The following FNDC3B variants were observed in gnomAD, a reference collection of about 807,000 sequenced individuals.
FNDC3B encodes fibronectin type III domain-containing protein 3B.
A neutral mutation model predicts 151.5 loss-of-function variants in FNDC3B; 12 were observed. The observed-to-expected ratio is 0.08, with a 90% CI of 0.05 to 0.13. FNDC3B has a LOEUF of 0.13. FNDC3B is among the 10% of genes least tolerant of loss of function. FNDC3B has a pLI of 1.00. For missense variants in FNDC3B, 1,214 were observed against 1,505.3 expected (o/e 0.81, Z 3.20); for synonymous variants, 528 against 549.0 (o/e 0.96, Z 0.54).
chr3:172,372,215 G>A (rs781001360), intron 23 of FNDC3B, among the ~76,000 whole-genome samples: 3 of 152,204 alleles, frequency 2.0e-5, no homozygotes, highest in African/African-American at 4.8e-5. Context: ...CCCCACAGGT[G>A]TTACTGTGCT....
chr3:172,044,515 G>A (rs1716266706), intron 1 of FNDC3B, among the ~76,000 whole-genome samples: 1 of 152,010 alleles, frequency 6.6e-6, no homozygotes, highest in Admixed American at 6.6e-5. Flanking sequence ...ATTGTTCTAT[G>A]TTATTTTAGT....
chr3:172,284,823 T>A (rs970353978), intron 6 of FNDC3B, among the ~76,000 whole-genome samples: 15 of 150,994 alleles, frequency 9.9e-5, no homozygotes, highest in Admixed American at 5.3e-4. Flanking sequence ...TCCACTAGAC[T>A]TGAAATATCT....
At chr3:172,382,057 C>T (rs1442337041) in intron 25 of FNDC3B, among the ~76,000 whole-genome samples, 1 of 152,194 alleles carries the variant, frequency 6.6e-6, no homozygotes, top group African/African-American at 2.4e-5. Context: ...CTGTCTTCCA[C>T]AATGGTTGAA....
intron 1 of FNDC3B, among the ~76,000 whole-genome samples, chr3:172,102,522 T>C (rs901431949): frequency 7.2e-5 from 11 of 152,228 alleles, no homozygotes; most frequent in Admixed American, 5.2e-4. Context: ...TTGGATCTTA[T>C]TAAAGGGCTA....
At chr3:172,273,781 G>A (rs1016489894) in intron 6 of FNDC3B, among the ~76,000 whole-genome samples, 10 of 152,200 alleles carry the variant, frequency 6.6e-5, no homozygotes, top group Admixed American at 2.0e-4. Context: ...CTGCTAAGGT[G>A]GAGTTTCTTC....
intron 3 of FNDC3B, among the ~76,000 whole-genome samples, chr3:172,174,138 AC>A (rs776479743): frequency 3.3e-4 from 50 of 152,234 alleles, no homozygotes; most frequent in South Asian, 8.3e-4. Context: ...ATGCAGAATG[AC>A]TCTCATTCTC....
intron 4 of FNDC3B, 107 bp downstream of exon 4, chr3:172,227,054 G>T (rs937425776): frequency 5.3e-6 from 4 of 747,966 alleles, no homozygotes; most frequent in Non-Finnish European, 9.4e-6. Flanking sequence ...TTTGGGTACC[G>T]TAGTGCTAGG....
chr3:172,218,603 G>A (rs1345028931), intron 3 of FNDC3B, among the ~76,000 whole-genome samples: 2 of 152,162 alleles, frequency 1.3e-5, no homozygotes, highest in African/African-American at 4.8e-5. Context: ...ATTCATCGAG[G>A]CACAGTGCTA....
At chr3:172,286,235 C>T (rs536286047) in intron 7 of FNDC3B, among the ~76,000 whole-genome samples, 35 of 151,984 alleles carry the variant, frequency 2.3e-4, no homozygotes, top group African/African-American at 8.5e-4. Flanking sequence ...ATTAGATATT[C>T]TTTCCAAAGA....
At chr3:172,330,445 C>A in intron 12 of FNDC3B, 96 bp from the exon 13 acceptor site, 1 of 1,069,830 alleles carries the variant, frequency 9.3e-7, no homozygotes, top group Non-Finnish European at 1.4e-6. Context: ...ACCTGCTAGG[C>A]TGAGTTGGGT....
intron 6 of FNDC3B, among the ~76,000 whole-genome samples, chr3:172,266,986 C>T (rs1159182549): frequency 6.6e-6 from 1 of 152,208 alleles, no homozygotes; most frequent in Non-Finnish European, 1.5e-5. Flanking sequence ...CCTTCCACAA[C>T]ATCTACTACC....
Position 172,205,652 on chromosome 3 carries a change from T to C in FNDC3B, c.188-21219T>C, listed in dbSNP as rs573361582. 2.3e-3 allele frequency among the ~76,000 whole-genome samples: 352 copies of C among 152,344 alleles called. 1 individual carries two copies. Among genetic ancestry groups the C allele is most frequent in the African/African-American group, 7.9e-3 (329 of 41,586 alleles). On this transcript the variant is annotated intron_variant, in intron 3 of 25. Coordinates refer to ENST00000415807, the MANE Select transcript of FNDC3B (RefSeq NM_022763.4). ...TCTGCATTCTCCTTGTAGAGTTTTC[T>C]ATTTATCTTTCCTTTATTTCTTGGA...
At chr3:172,240,061 T>G (rs1351179410) in intron 4 of FNDC3B, among the ~76,000 whole-genome samples, 1 of 151,832 alleles carries the variant, frequency 6.6e-6, no homozygotes, top group African/African-American at 2.4e-5. Context: ...TTAGTAGAGA[T>G]GGGGTTTCAC....
chr3:172,114,909 T>G (rs1720169699), intron 2 of FNDC3B, among the ~76,000 whole-genome samples: 1 of 152,226 alleles, frequency 6.6e-6, no homozygotes, highest in Non-Finnish European at 1.5e-5. Flanking sequence ...TTTTGTCTTT[T>G]TAATTAGTAA....
chr3:172,385,198 A>C (rs1193615954), intron 25 of FNDC3B, among the ~76,000 whole-genome samples: 1 of 152,178 alleles, frequency 6.6e-6, no homozygotes, highest in Non-Finnish European at 1.5e-5. Flanking sequence ...CAATGGTTAA[A>C]ATAATTATAG....
At chr3:172,104,482 T>C (rs749160736) in intron 1 of FNDC3B, among the ~76,000 whole-genome samples, 1 of 151,846 alleles carries the variant, frequency 6.6e-6, no homozygotes, top group African/African-American at 2.4e-5. Context: ...CCTCTCCATA[T>C]CCTTTTTTTG....
chr3:172,115,035 CCT>C (rs1720175484), intron 2 of FNDC3B, among the ~76,000 whole-genome samples: 1 of 152,104 alleles, frequency 6.6e-6, no homozygotes, highest in Non-Finnish European at 1.5e-5. Flanking sequence ...TAGAAATGTC[CCT>C]CTCAGCAGGA....
intron 3 of FNDC3B, among the ~76,000 whole-genome samples, chr3:172,192,725 G>A (rs1324218988): frequency 6.6e-6 from 1 of 151,808 alleles, no homozygotes; most frequent in African/African-American, 2.4e-5. Flanking sequence ...TAATTACAGG[G>A]CATGAATATA....
chr3:172,090,962 G>C (rs1718795792), intron 1 of FNDC3B, among the ~76,000 whole-genome samples: 2 of 152,182 alleles, frequency 1.3e-5, no homozygotes, highest in Admixed American at 1.3e-4. Context: ...TTTGTATTAT[G>C]TATATGCAGA....
Sources: allele counts gnomAD v4.1 joint callset (sites outside exome capture counted in the v4.1 genomes callset), GRCh38; gene constraint gnomAD v4.1.1; transcripts MANE v1.5; gene names NCBI Gene and HGNC (gene_info 2026-07-23, HGNC 2026-07-21).